SETDB1: variants seen among roughly 807,000 people sequenced by gnomAD.
SETDB1 encodes SET domain bifurcated histone lysine methyltransferase 1.
A neutral mutation model predicts 137.4 loss-of-function variants in SETDB1; 31 were observed. The ratio of observed to expected loss-of-function variants is 0.23; its 90% CI spans 0.17 to 0.30. SETDB1 has a LOEUF of 0.30. Among genes scored for constraint, SETDB1 ranks in the 10% least tolerant of loss-of-function variants. The probability of loss-of-function intolerance (pLI) is 1.00; values close to 1 mark genes in which losing one functional copy is unlikely to be tolerated. For synonymous variants in SETDB1, 548 were observed against 579.9 expected (o/e 0.95, Z 0.79); for missense variants, 1,113 against 1,631.5 (o/e 0.68, Z 5.47).
intron 10 of SETDB1, 146 bp from the exon 11 acceptor site, chr1:150,948,976 C>T: frequency 1.2e-6 from 1 of 807,996 alleles, no homozygotes; most frequent in Non-Finnish European, 1.9e-6. Context: ...ACTTCGGCCT[C>T]CCAAACTGCT....
intron 4 of SETDB1, 147 bp from the exon 5 acceptor site, chr1:150,941,182 C>G: frequency 1.8e-6 from 1 of 557,324 alleles, no homozygotes; most frequent in Non-Finnish European, 3.3e-6. Flanking sequence ...AGAGTAAGGG[C>G]AGCTTTGCCA....
chr1:150,962,546 A>T, intron 17 of SETDB1, 41 bp from the exon 18 acceptor site: 3 of 1,608,118 alleles, frequency 1.9e-6, no homozygotes, highest in Non-Finnish European at 2.6e-6. Context: ...CCTAAGAAAC[A>T]GCCAGTAACC....
At chr1:150,949,892 T>C (rs769838132) in intron 12 of SETDB1, among the ~76,000 whole-genome samples, 1 of 152,168 alleles carries the variant, frequency 6.6e-6, no homozygotes, top group East Asian at 1.9e-4. Flanking sequence ...GGATTCTACT[T>C]CCATAATTCA....
At chr1:150,928,208 C>T (rs747604631) in intron 2 of SETDB1, 61 of 509,768 alleles carry the variant, frequency 1.2e-4, no homozygotes, top group Admixed American at 3.2e-4. Flanking sequence ...TAGGCATCCG[C>T]CACCACACCC....
Position 150,964,257 on chromosome 1 carries a change from G to A in SETDB1, c.3772G>A (p.Ala1258Thr). The change falls in exon 22 of 22, where the codon GCT becomes ACT. Residue 1258 changes from alanine to threonine, a missense_variant. Physicochemically the swap from Ala to Thr is moderately conservative, Grantham distance 58. This residue lies in a region of SETDB1 where 37 missense variants were observed against 123.2 expected (regional missense o/e 0.30). Coordinates refer to ENST00000692827, the MANE Select transcript of SETDB1 (RefSeq NM_001366418.1). ...VAFFASKRIR[A>T]GTELTWDYNY... ...TTTCTTCCTCTTCAGAAGAATCCGG[G>A]CTGGGACAGAACTTACTTGGGACTA... is the stretch of plus-strand genomic sequence containing the variant. 1 of 1,614,012 alleles carries A rather than the reference G, an allele frequency of 6.2e-7. No homozygotes were observed. Among genetic ancestry groups the A allele is most frequent in the Non-Finnish European group, 8.5e-7 (1 of 1,179,886 alleles).
intron 12 of SETDB1, among the ~76,000 whole-genome samples, chr1:150,950,023 C>CG (rs1157045455): frequency 6.6e-6 from 1 of 152,070 alleles, no homozygotes; most frequent in Non-Finnish European, 1.5e-5. Context: ...CACCTGAGGT[C>CG]GGGAGTTCGA....
At chr1:150,962,928 C>A in intron 18 of SETDB1, 46 bp from the exon 19 acceptor site, 1 of 1,592,518 alleles carries the variant, frequency 6.3e-7, no homozygotes, top group Non-Finnish European at 8.6e-7. Flanking sequence ...CTTAAAGGAG[C>A]CCTTCCCATT....
intron 3 of SETDB1, among the ~76,000 whole-genome samples, chr1:150,934,909 C>T (rs934427352): frequency 6.6e-6 from 1 of 152,094 alleles, no homozygotes; most frequent in South Asian, 2.1e-4. Flanking sequence ...GCATCCTCCA[C>T]CTTCCAGGTT....
intron 4 of SETDB1, among the ~76,000 whole-genome samples, chr1:150,940,939 G>A (rs587602805): frequency 5.9e-5 from 9 of 151,640 alleles, no homozygotes; most frequent in Admixed American, 1.3e-4. Context: ...CAGAGGTTGC[G>A]GTGAACCTAA....
intron 14 of SETDB1, among the ~76,000 whole-genome samples, chr1:150,957,571 T>TG (rs1670681648): frequency 6.6e-6 from 1 of 152,328 alleles, no homozygotes. Flanking sequence ...ATTCTAACAC[T>TG]GGGCAAATAG....
At chr1:150,942,062 C>G (rs587771523) in intron 5 of SETDB1, among the ~76,000 whole-genome samples, 5 of 151,838 alleles carry the variant, frequency 3.3e-5, no homozygotes, top group South Asian at 4.2e-4. Flanking sequence ...ATCGCTTGAA[C>G]CCGGAAGGTG....
chr1:150,955,761 A>G (rs1670616718), intron 14 of SETDB1, among the ~76,000 whole-genome samples: 1 of 152,098 alleles, frequency 6.6e-6, no homozygotes, highest in Non-Finnish European at 1.5e-5. Context: ...CTTGCTAACC[A>G]TTGTATCACC....
intron 14 of SETDB1, among the ~76,000 whole-genome samples, chr1:150,954,420 A>G (rs891017712): frequency 1.3e-5 from 2 of 152,222 alleles, no homozygotes; most frequent in African/African-American, 4.8e-5. Context: ...CAGAATACAT[A>G]ATTAACAGAA....
intron 14 of SETDB1, among the ~76,000 whole-genome samples, chr1:150,958,147 C>T (rs911294240): frequency 7.4e-5 from 11 of 148,256 alleles, no homozygotes; most frequent in South Asian, 2.1e-4. Context: ...TGCGCCATTG[C>T]ACTCCAGCCT....
intron 8 of SETDB1, among the ~76,000 whole-genome samples, chr1:150,944,477 A>G (rs1478790190): frequency 6.6e-6 from 1 of 152,240 alleles, no homozygotes; most frequent in Non-Finnish European, 1.5e-5. Context: ...AGAAGAATCA[A>G]CTAACACTTT....
rs759049122 is a variant in SETDB1 at position 150,959,364 on chromosome 1, A to G, written c.2503+17A>G. ...TTTATGCAGGTTGGTGATAAAATAT[A>G]AGGGTTGTTTCCTGAGACTGGGACA... On this transcript the variant is annotated intron_variant, in intron 15 of 21. Transcript: ENST00000692827. 30 of 1,594,154 alleles carry G rather than the reference A, an allele frequency of 1.9e-5. No homozygotes were observed. Among genetic ancestry groups the G allele is most frequent in the Non-Finnish European group, 2.4e-5 (28 of 1,171,238 alleles).
intron 3 of SETDB1, among the ~76,000 whole-genome samples, chr1:150,931,172 A>G (rs1669723279): frequency 1.3e-5 from 2 of 149,598 alleles, no homozygotes; most frequent in Admixed American, 6.8e-5. Context: ...AGGTGGAAGG[A>G]TCTCTTAAGC....
At chr1:150,961,462 T>G in intron 16 of SETDB1, 1 of 405,522 alleles carries the variant, frequency 2.5e-6, no homozygotes, top group Non-Finnish European at 4.6e-6. Context: ...GAGACCATCC[T>G]GGCCAACATG....
intron 11 of SETDB1, 26 bp downstream of exon 11, chr1:150,949,304 C>G: frequency 6.2e-7 from 1 of 1,612,240 alleles, no homozygotes; most frequent in Non-Finnish European, 8.5e-7. Context: ...TCTTTTTCTT[C>G]AGTTTCTTTC....
Sources: gnomAD v4.1 joint callset for allele counts (sites outside exome capture counted in the v4.1 genomes callset) on GRCh38, gnomAD v4.1.1 for gene constraint, gnomAD v4.1.1 regional missense constraint, MANE v1.5 for transcripts, NCBI Gene and HGNC (gene_info 2026-07-23, HGNC 2026-07-21) for gene names.